Variants in ARL6IP5 observed in about 807,000 individuals in gnomAD.
ARL6IP5 encodes the protein ARF like GTPase 6 interacting protein 5, also known as PRA1 family protein 3.
In ARL6IP5, 6 loss-of-function variants were observed where a neutral mutation model predicts 13.0. The observed-to-expected ratio is 0.46, with a 90% confidence interval of 0.25 to 0.91. The LOEUF is 0.91. Among genes scored for constraint, ARL6IP5 ranks in the 40% least tolerant of loss-of-function variants. The probability of loss-of-function intolerance (pLI) is 0.17; values close to 1 mark genes in which losing one functional copy is unlikely to be tolerated. For synonymous variants in ARL6IP5, 91 were observed against 91.9 expected (o/e 0.99, Z 0.06); for missense variants, 208 against 248.8 (o/e 0.84, Z 1.10).
chr3:69,100,358 T>TC (rs1288038941), intron 1 of ARL6IP5, among the ~76,000 whole-genome samples: 3 of 152,240 alleles, frequency 2.0e-5, no homozygotes, highest in Non-Finnish European at 4.4e-5. Flanking sequence ...GTAACTCATC[T>TC]CCTAATGATA....
chr3:69,089,308 C>G (rs2092257652), intron 1 of ARL6IP5, among the ~76,000 whole-genome samples: 1 of 152,092 alleles, frequency 6.6e-6, no homozygotes, highest in Non-Finnish European at 1.5e-5. Context: ...AGGAGAAATA[C>G]TGATCCTCTT....
At chr3:69,086,604 G>A (rs2107509559) in intron 1 of ARL6IP5, among the ~76,000 whole-genome samples, 1 of 152,338 alleles carries the variant, frequency 6.6e-6, no homozygotes, top group African/African-American at 2.4e-5. Context: ...TAGTGTGGCA[G>A]CCAAGGTACA....
At chr3:69,099,320 G>A (rs58747812) in intron 1 of ARL6IP5, among the ~76,000 whole-genome samples, 55,297 of 152,062 alleles carry the variant, frequency 0.36, 10,247 homozygotes, top group Middle Eastern at 0.39. Context: ...GCAGTGAGCC[G>A]AGATCGCGCC....
chr3:69,092,610 C>T (rs892225650), intron 1 of ARL6IP5, among the ~76,000 whole-genome samples: 4 of 152,148 alleles, frequency 2.6e-5, no homozygotes, highest in Non-Finnish European at 5.9e-5. Flanking sequence ...GCTGGGATTA[C>T]AGGCACGCAC....
At position 69,090,898 on chromosome 3, in the gene ARL6IP5, C is replaced by T. The variant is rs113811848; in HGVS notation, c.176+5675C>T. On this transcript the variant is annotated intron_variant, in intron 1 of 2. Coordinates refer to ENST00000273258, the MANE Select transcript of ARL6IP5 (RefSeq NM_006407.4). ...TGTCAACACACAGTAACATTTTAAT[C>T]TCAAAATCTTTATCTAGGCTGGACA... 5.7e-3 allele frequency among the ~76,000 whole-genome samples: 868 copies of T among 152,322 alleles called. 10 individuals carry two copies. Among genetic ancestry groups the T allele is most frequent in the African/African-American group, 0.02 (815 of 41,578 alleles).
rs965305931 is a variant in ARL6IP5, at chr3:69,094,733, T to C, written c.177-7106T>C. ...GGAGTCACCAAATGTGGCCTTGAGT[T>C]GATCCGAGGATTTCTGTTATGGCAA... is the stretch of plus-strand genomic sequence containing the variant. On this transcript the variant is annotated intron_variant, in intron 1 of 2. Coordinates refer to ENST00000273258, the MANE Select transcript of ARL6IP5 (RefSeq NM_006407.4). Among the ~76,000 whole-genome samples the C allele has an allele frequency of 7.9e-5, 12 of 152,224 alleles. 1 individual carries two copies. The highest frequency in any genetic ancestry group is 1.6e-4 in the Non-Finnish European group (11 of 68,024).
chr3:69,096,747 G>A (rs1198220424), intron 1 of ARL6IP5, among the ~76,000 whole-genome samples: 4 of 151,930 alleles, frequency 2.6e-5, no homozygotes, highest in Non-Finnish European at 5.9e-5. Context: ...GGGATTACAG[G>A]CACATGCCAC....
intron 1 of ARL6IP5, among the ~76,000 whole-genome samples, chr3:69,089,296 C>G (rs189765296): frequency 2.2e-4 from 34 of 152,212 alleles, no homozygotes; most frequent in African/African-American, 7.7e-4. Context: ...TTATACACCC[C>G]TAGGAGAAAT....
In ARL6IP5 at chr3:69,098,240, C is replaced by CTTT. The variant is rs34413250; in HGVS notation, c.177-3580_177-3578dup. 2.4e-3 allele frequency among the ~76,000 whole-genome samples: 170 copies of CTTT among 71,778 alleles called. 6 individuals are homozygous for CTTT. Among genetic ancestry groups the CTTT allele is most frequent in the African/African-American group, 5.6e-3 (89 of 15,846 alleles). 47.1% of individuals were successfully genotyped at this position (71,778 alleles called of 152,430 possible). A position where few individuals can be genotyped will look rare whatever the true frequency, so the allele number is the denominator to read the frequency against. ...TACAGGTGCCTGCCACCATACCTGG[C>CTTT]TTTTTTTTTTTTTTTTTTTTTGAGA... On this transcript the variant is annotated intron_variant, in intron 1 of 2. Coordinates refer to ENST00000273258, the MANE Select transcript of ARL6IP5 (RefSeq NM_006407.4).
At chr3:69,098,330 C>G in intron 1 of ARL6IP5, among the ~76,000 whole-genome samples, 1 of 150,912 alleles carries the variant, frequency 6.6e-6, no homozygotes, top group Non-Finnish European at 1.5e-5. Flanking sequence ...CTACAACCTC[C>G]GCCTCCCAGG....
At chr3:69,093,907 C>A (rs373887137) in intron 1 of ARL6IP5, among the ~76,000 whole-genome samples, 1 of 152,084 alleles carries the variant, frequency 6.6e-6, no homozygotes. Flanking sequence ...TGAGCTATGA[C>A]CATGCCATCA....
At position 69,105,628 on chromosome 3, in the gene ARL6IP5, T is replaced by C. The variant is rs2092320117; in HGVS notation, c.*992T>C. On this transcript the variant is annotated 3_prime_UTR_variant, in exon 3 of 3. Coordinates refer to ENST00000273258, the MANE Select transcript of ARL6IP5 (RefSeq NM_006407.4). ...AGACTTTAAAAAATGGTAATGAAAATGGAATGCAGCTACTGCAGCTAATAA... is the reference window on the plus strand; with the variant it reads ...AGACTTTAAAAAATGGTAATGAAAACGGAATGCAGCTACTGCAGCTAATAA... 1 of 152,210 alleles carries C rather than the reference T, an allele frequency of 6.6e-6. No homozygotes were observed. Among genetic ancestry groups the C allele is most frequent in the South Asian group, 2.1e-4 (1 of 4,836 alleles). 9.4% of individuals were successfully genotyped at this position (152,210 alleles called of 1,614,324 possible).
chr3:69,091,923 G>A (rs927744958), intron 1 of ARL6IP5, among the ~76,000 whole-genome samples: 4 of 151,902 alleles, frequency 2.6e-5, no homozygotes, highest in Admixed American at 2.6e-4. Flanking sequence ...CATCAATATT[G>A]GAAATTTTGT....
At chr3:69,101,005 T>A (rs1455605496) in intron 1 of ARL6IP5, among the ~76,000 whole-genome samples, 2 of 152,256 alleles carry the variant, frequency 1.3e-5, no homozygotes, top group East Asian at 3.9e-4. Flanking sequence ...TTTCTGGATT[T>A]TTTTTTAACA....
rs2092318405 is a variant in ARL6IP5, at chr3:69,105,030, T to G, written c.*394T>G. ...CGAGTAAATGAAAAGGCTGTTAAAG[T>G]AGATGACATCATGTGTTAGCCTGTT... On this transcript the variant is annotated 3_prime_UTR_variant, in exon 3 of 3. Transcript: ENST00000273258. The G allele has an allele frequency of 3.2e-6, 2 of 619,390 alleles. No individual in the cohort carries two copies. The highest frequency in any genetic ancestry group is 5.6e-5 in the Admixed American group (2 of 35,444). The allele number at this position is 619,390 out of a possible 1,614,324, so 38.4% of individuals were successfully genotyped here.
intron 1 of ARL6IP5, among the ~76,000 whole-genome samples, chr3:69,101,545 C>T (rs1032397059): frequency 6.6e-6 from 1 of 151,374 alleles, no homozygotes; most frequent in South Asian, 2.1e-4. Context: ...GGTCTTGAAC[C>T]CCTGGGCTCA....
At position 69,101,974 on chromosome 3, in the gene ARL6IP5, G is replaced by A. The variant is rs778941267; in HGVS notation, c.312G>A (p.Val104=). 6.2e-7 allele frequency: 1 copy of A among 1,614,104 alleles called. No individual in the cohort carries two copies. Among genetic ancestry groups the A allele is most frequent in the South Asian group, 1.1e-5 (1 of 91,078 alleles). ...GCTACCCCACGACGTTCGTTATGGT[G>A]GTCATGTTGGCGAGCTATTTCCTTA... is the stretch of plus-strand genomic sequence containing the variant. ...KKRYPTTFVM[V]VMLASYFLIS... is the part of the protein sequence containing the mutation. Residue 104 remains valine, a synonymous_variant, in exon 2 of 3, where the codon GTG becomes GTA. Transcript: ENST00000273258.
rs117712056 is a variant in ARL6IP5 at position 69,093,104 on chromosome 3, G to C, written c.176+7881G>C. ...AGCTCCGTCACTGTGGGAAGCGTCA[G>C]ATTTATGGTTTCTAATCCGAGTCCA... On this transcript the variant is annotated intron_variant, in intron 1 of 2. Coordinates refer to ENST00000273258, the MANE Select transcript of ARL6IP5 (RefSeq NM_006407.4). 3.4e-3 allele frequency among the ~76,000 whole-genome samples: 511 copies of C among 152,276 alleles called. 8 individuals carry two copies. The East Asian group carries it at 0.05, about 15-fold the overall frequency.
At position 69,099,381 on chromosome 3, in the gene ARL6IP5, C is replaced by CA. The variant is rs1386420790; in HGVS notation, c.177-2449dup. On this transcript the variant is annotated intron_variant, in intron 1 of 2. Transcript: ENST00000273258. ...TGAAACTCCATCTCAAAAAAACAAA[C>CA]AAAAAAAAATTATATGCAACTACTC... Among the ~76,000 whole-genome samples the CA allele has an allele frequency of 2.0e-5, 3 of 151,092 alleles. No individual in the cohort carries two copies. The South Asian group carries it at 6.3e-4, about 31-fold the overall frequency.
Sources: gnomAD v4.1 joint callset for allele counts (sites outside exome capture counted in the v4.1 genomes callset) on GRCh38, gnomAD v4.1.1 for gene constraint, MANE v1.5 for transcripts, NCBI Gene and HGNC (gene_info 2026-07-23, HGNC 2026-07-21) for gene names.